The following RALGPS2 variants were observed in gnomAD, a reference collection of about 807,000 sequenced individuals.
RALGPS2 encodes ras-specific guanine nucleotide-releasing factor RalGPS2.
RALGPS2 carries 43 observed loss-of-function variants against 86.8 expected under a neutral mutation model. The ratio of observed to expected loss-of-function variants is 0.50; its 90% confidence interval spans 0.39 to 0.64. RALGPS2 has a LOEUF of 0.64. Ranked by LOEUF, RALGPS2 falls within the 30% of genes least tolerant of loss-of-function variation. RALGPS2 has a pLI of 0.00. For missense variants in RALGPS2, 536 were observed against 694.6 expected (o/e 0.77, Z 2.57); for synonymous variants, 243 against 231.3 (o/e 1.05, Z -0.46).
intron 8 of RALGPS2, chr1:178,850,476 C>G (rs1657098583): frequency 6.6e-6 from 1 of 151,556 alleles, no homozygotes; most frequent in Admixed American, 6.6e-5. Context: ...ATAAATTGAC[C>G]ATTTAAATTA....
At chr1:178,760,627 A>G (rs1652190669) in intron 1 of RALGPS2, among the ~76,000 whole-genome samples, 2 of 152,106 alleles carry the variant, frequency 1.3e-5, no homozygotes. Flanking sequence ...TTTCTTATCC[A>G]GTGTGCCACT....
intron 8 of RALGPS2, among the ~76,000 whole-genome samples, chr1:178,837,788 G>T (rs1457211317): frequency 6.6e-6 from 1 of 152,188 alleles, no homozygotes; most frequent in African/African-American, 2.4e-5. Flanking sequence ...CCAAGGGAAG[G>T]TGTGACAGAA....
At chr1:178,753,933 G>A (rs942851739) in intron 1 of RALGPS2, among the ~76,000 whole-genome samples, 1 of 151,834 alleles carries the variant, frequency 6.6e-6, no homozygotes, top group Non-Finnish European at 1.5e-5. Context: ...CTGGGTTCAC[G>A]CCATTCTCCT....
chr1:178,785,038 C>G (rs957136049), intron 3 of RALGPS2, among the ~76,000 whole-genome samples: 1 of 152,036 alleles, frequency 6.6e-6, no homozygotes, highest in Non-Finnish European at 1.5e-5. Flanking sequence ...ATAAACTGTG[C>G]TTGGTCATAG....
rs574133555 is a variant in RALGPS2, at chr1:178,808,522, CTG to C, written c.297+398_297+399del. On this transcript the variant is annotated intron_variant, in intron 5 of 19. Coordinates refer to ENST00000367635, the MANE Select transcript of RALGPS2 (RefSeq NM_152663.5). ...AATTTATTAATTTTCAACATAGTTTCTGTGTTATTATTGGAACTTCTTGGGGT... is the reference window on the plus strand; with the variant it reads ...AATTTATTAATTTTCAACATAGTTTCTGTTATTATTGGAACTTCTTGGGGT... Among the ~76,000 whole-genome samples, 15 of 151,900 alleles carry C rather than the reference CTG, an allele frequency of 9.9e-5. No homozygotes were observed. In the South Asian group the frequency reaches 3.1e-3, roughly 32 times the overall value.
At chr1:178,873,802 A>G (rs1280267418) in intron 8 of RALGPS2, among the ~76,000 whole-genome samples, 1 of 152,216 alleles carries the variant, frequency 6.6e-6, no homozygotes, top group African/African-American at 2.4e-5. Context: ...AAGTCTTAGA[A>G]ACAAAATAGA....
intron 1 of RALGPS2, among the ~76,000 whole-genome samples, chr1:178,741,612 A>G (rs1054784792): frequency 7.9e-5 from 12 of 152,208 alleles, no homozygotes; most frequent in Non-Finnish European, 1.5e-5. Flanking sequence ...AGACCATGGT[A>G]AGTTAAAGTT....
At chr1:178,823,593 G>A (rs1435769501) in intron 7 of RALGPS2, among the ~76,000 whole-genome samples, 1 of 152,182 alleles carries the variant, frequency 6.6e-6, no homozygotes, top group African/African-American at 2.4e-5. Context: ...ATTCCAAGTA[G>A]AGGTAATAAC....
rs1352347519 is a variant in RALGPS2 at position 178,885,112 on chromosome 1, A to G, written c.941A>G (p.Lys314Arg). The G allele has an allele frequency of 6.2e-7, 1 of 1,611,066 alleles. No individual in the cohort carries two copies. Among genetic ancestry groups the G allele is most frequent in the Admixed American group, 1.7e-5 (1 of 59,082 alleles). The change falls in exon 12 of 20, where the codon AAA becomes AGA. Residue 314 changes from lysine (K) to arginine (R), a missense_variant. By Grantham distance (26) the Lys-to-Arg change is conservative (BLOSUM62 2). Around this residue, in one of 3 missense-constraint regions of RALGPS2, gnomAD observed 309 missense variants for 363.0 expected, o/e 0.85. Coordinates refer to ENST00000367635, the MANE Select transcript of RALGPS2 (RefSeq NM_152663.5). ...GGAGCGTCTCCACAGAGTGGACGAA[A>G]AAGTGTGGCAGCTGAAGGAGCCTTG... ...EVGASPQSGR[K>R]SVAAEGALLP...
intron 4 of RALGPS2, among the ~76,000 whole-genome samples, chr1:178,791,711 C>T (rs1340994987): frequency 6.6e-6 from 1 of 152,096 alleles, no homozygotes; most frequent in Non-Finnish European, 1.5e-5. Flanking sequence ...TTATGGAATT[C>T]TGCATTTTCA....
intron 1 of RALGPS2, among the ~76,000 whole-genome samples, chr1:178,744,837 A>AAAAAG (rs1651227867): frequency 6.7e-6 from 1 of 148,628 alleles, no homozygotes; most frequent in Non-Finnish European, 1.5e-5. Context: ...AAAAAAAAAA[A>AAAAAG]GAAAGGAAAA....
At position 178,812,057 on chromosome 1, in the gene RALGPS2, G is replaced by A. The variant is rs918742168; in HGVS notation, c.387+653G>A. On this transcript the variant is annotated intron_variant, in intron 6 of 19. Coordinates refer to ENST00000367635, the MANE Select transcript of RALGPS2 (RefSeq NM_152663.5). Reference sequence around the variant, plus strand: ...ATCATGAAGGGTCAAGGCCGGCAGCGATGTAACAAAAGACAAGTTAATGAG... The same window carrying A: ...ATCATGAAGGGTCAAGGCCGGCAGCAATGTAACAAAAGACAAGTTAATGAG... Among the ~76,000 whole-genome samples the A allele has an allele frequency of 3.9e-5, 6 of 152,134 alleles. No homozygotes were observed. In the South Asian group the frequency reaches 1.0e-3, roughly 26 times the overall value.
chr1:178,736,877 A>G (rs1650742122), intron 1 of RALGPS2, among the ~76,000 whole-genome samples: 2 of 152,164 alleles, frequency 1.3e-5, no homozygotes, highest in Non-Finnish European at 2.9e-5. Flanking sequence ...AGCCTGGGCA[A>G]CAGAAGGACA....
chr1:178,805,090 C>T (rs1358694272), intron 4 of RALGPS2, among the ~76,000 whole-genome samples: 1 of 151,726 alleles, frequency 6.6e-6, no homozygotes, highest in Non-Finnish European at 1.5e-5. Context: ...TGAGAAGTGT[C>T]TGTTCATGTC....
At chr1:178,787,107 A>G (rs1438061298) in intron 4 of RALGPS2, among the ~76,000 whole-genome samples, 2 of 152,068 alleles carry the variant, frequency 1.3e-5, no homozygotes, top group African/African-American at 4.8e-5. Flanking sequence ...TTGTATTTAA[A>G]TGGCAAAAAG....
intron 19 of RALGPS2, among the ~76,000 whole-genome samples, chr1:178,911,446 T>G (rs761798947): frequency 6.6e-6 from 1 of 152,224 alleles, no homozygotes; most frequent in Non-Finnish European, 1.5e-5. Context: ...ATTTTTTGAT[T>G]TGTGTCATAA....
intron 1 of RALGPS2, among the ~76,000 whole-genome samples, chr1:178,774,059 GGTGAAACCCTGTCTCTACAGCCTGACCAA>G (rs1652951236): frequency 6.6e-6 from 1 of 152,042 alleles, no homozygotes; most frequent in Non-Finnish European, 1.5e-5. Flanking sequence ...TGGCCAACAT[GGTGAAACCCTGTCTCTACAGCCTGACCAA>G]CATGGTGAAA....
intron 2 of RALGPS2, 58 bp from the exon 3 acceptor site, chr1:178,784,360 T>G: frequency 7.3e-7 from 1 of 1,362,490 alleles, no homozygotes; most frequent in Non-Finnish European, 1.0e-6. Context: ...CAATCTAGTT[T>G]CTATCACTTG....
chr1:178,920,958 TAA>T lies in RALGPS2; in HGVS notation c.*4600_*4601del, dbSNP rs1240829322. 6.6e-6 allele frequency: 1 copy of T among 151,998 alleles called. No homozygotes were observed. 9.4% of individuals were successfully genotyped at this position (151,998 alleles called of 1,614,324 possible). On this transcript the variant is annotated 3_prime_UTR_variant, in exon 20 of 20. Transcript: ENST00000367635. Reference sequence around the variant, plus strand: ...AGAAAGTAAAAATATCTCTAATATATAAGTTAAAGGAAAGTTAAGAGACTAAG... The same window carrying T: ...AGAAAGTAAAAATATCTCTAATATATGTTAAAGGAAAGTTAAGAGACTAAG...
Sources: allele counts gnomAD v4.1 joint callset (sites outside exome capture counted in the v4.1 genomes callset), GRCh38; gene constraint gnomAD v4.1.1; regional missense constraint gnomAD v4.1.1; transcripts MANE v1.5; gene names NCBI Gene and HGNC (gene_info 2026-07-23, HGNC 2026-07-21).